The following FLT4 variants were observed in gnomAD, a reference collection of about 807,000 sequenced individuals.
FLT4 encodes the protein vascular endothelial growth factor receptor 3.
FLT4 carries 30 observed loss-of-function variants against 163.2 expected under a neutral mutation model. The observed-to-expected ratio is 0.18, with a 90% confidence interval of 0.14 to 0.25. The LOEUF (loss-of-function observed/expected upper bound fraction) is 0.25. Ranked by LOEUF, FLT4 falls within the 10% of genes least tolerant of loss-of-function variation. FLT4 has a pLI of 1.00. For missense variants in FLT4, 1,510 were observed against 1,863.8 expected, an observed-to-expected ratio of 0.81 and a Z score of 3.50; for synonymous variants, 884 against 789.5, an observed-to-expected ratio of 1.12 and a Z score of -2.01.
intron 1 of FLT4, among the ~76,000 whole-genome samples, chr5:180,646,063 T>C (rs1347221751): frequency 1.3e-5 from 2 of 152,028 alleles, no homozygotes; most frequent in Non-Finnish European, 2.9e-5. Context: ...ATTCGCTTAA[T>C]TTCCCTGGTT....
At chr5:180,610,195 C>T (rs1407551541) in intron 27 of FLT4, among the ~76,000 whole-genome samples, 170 bp from the exon 28 acceptor site, 1 of 152,222 alleles carries the variant, frequency 6.6e-6, no homozygotes, top group Non-Finnish European at 1.5e-5. Context: ...GTGTGCCTGG[C>T]CTCAGATGTC....
chr5:180,622,602 C>T (rs935177843), intron 12 of FLT4, 129 bp downstream of exon 12: 18 of 698,682 alleles, frequency 2.6e-5, no homozygotes, highest in Non-Finnish European at 4.7e-5. Flanking sequence ...ATCTATTTTT[C>T]CTGTCTACAA....
At chr5:180,647,521 C>G (rs1765544333) in intron 1 of FLT4, among the ~76,000 whole-genome samples, 1 of 152,088 alleles carries the variant, frequency 6.6e-6, no homozygotes, top group African/African-American at 2.4e-5. Context: ...CTTCAGGATG[C>G]TCAGGCTTCT....
Position 180,616,980 on chromosome 5 carries a change from G to C in FLT4, c.3016C>G (p.Leu1006Val), listed in dbSNP as rs1205297853. 6.2e-7 allele frequency: 1 copy of C among 1,612,986 alleles called. No individual in the cohort carries two copies. The highest frequency in any genetic ancestry group is 8.5e-7 in the Non-Finnish European group (1 of 1,179,882). ...AGATCTTCCATGGTCAGCGGGCTCA[G>C]CCACAGGTCCTCAGCTACACAGTGG... Reference protein sequence around the residue: ...SPDQEAEDLWLSPLTMEDLVC... With the variant: ...SPDQEAEDLWVSPLTMEDLVC... The change falls in exon 22 of 30, where the codon CTG (leucine) becomes GTG (valine). Residue 1006 changes from leucine (L) to valine (V), a missense_variant. Physicochemically the swap from Leu to Val is conservative, Grantham distance 32 (BLOSUM62 1). This residue lies in a region of FLT4 where 878 missense variants were observed against 1,016.7 expected (regional missense o/e 0.86). Transcript: ENST00000261937.
intron 29 of FLT4, among the ~76,000 whole-genome samples, chr5:180,604,438 G>A (rs1305461440): frequency 6.6e-6 from 1 of 152,132 alleles, no homozygotes; most frequent in Non-Finnish European, 1.5e-5. Context: ...GTCCTTGCCG[G>A]CTCTGTGACA....
intron 8 of FLT4, 124 bp downstream of exon 8, chr5:180,628,758 G>C (rs949758034): frequency 1.4e-6 from 1 of 712,134 alleles, no homozygotes. Flanking sequence ...AGAGGCCCCC[G>C]CCATGCCTGG....
Position 180,618,652 on chromosome 5 carries a change from G to A in FLT4, c.3001+118C>T, listed in dbSNP as rs1021991224. Reference sequence around the variant, plus strand: ...AGGTGTCTTCCCTTCCTAAGGCAGAGCCCATTCCACACTCTCCCATGAAAG... The same window carrying A: ...AGGTGTCTTCCCTTCCTAAGGCAGAACCCATTCCACACTCTCCCATGAAAG... On this transcript the variant is annotated intron_variant, in intron 21 of 29. Transcript: ENST00000261937. 3.6e-5 allele frequency: 40 copies of A among 1,104,778 alleles called. No individual in the cohort carries two copies. In the Middle Eastern group the frequency reaches 9.2e-4, roughly 25 times the overall value. The allele number at this position is 1,104,778 out of a possible 1,614,324, so 68.4% of individuals were successfully genotyped here.
chr5:180,612,950 C>G (rs1033708604), intron 25 of FLT4, 61 bp downstream of exon 25: 24 of 1,333,060 alleles, frequency 1.8e-5, no homozygotes, highest in Admixed American at 7.2e-5. Flanking sequence ...CTCATGGACA[C>G]AACCCCCACG....
intron 1 of FLT4, among the ~76,000 whole-genome samples, chr5:180,639,012 T>C (rs1294824366): frequency 2.9e-5 from 1 of 34,338 alleles, no homozygotes; most frequent in Admixed American, 4.4e-4. Context: ...GGAAGAAGTA[T>C]GGATGGATGG....
chr5:180,627,228 G>A (rs1469094499), intron 8 of FLT4, among the ~76,000 whole-genome samples: 3 of 152,206 alleles, frequency 2.0e-5, no homozygotes, highest in Non-Finnish European at 2.9e-5. Flanking sequence ...CCTGGGAGAG[G>A]CACAGCCCTC....
chr5:180,647,218 C>T (rs937048965), intron 1 of FLT4, among the ~76,000 whole-genome samples: 11 of 152,186 alleles, frequency 7.2e-5, no homozygotes, highest in Non-Finnish European at 1.2e-4. Flanking sequence ...GACTAAGCCC[C>T]AAGAGACATC....
At chr5:180,626,586 G>A (rs563745793) in intron 8 of FLT4, among the ~76,000 whole-genome samples, 19 of 152,292 alleles carry the variant, frequency 1.2e-4, no homozygotes, top group East Asian at 1.9e-4. Flanking sequence ...TGGGGCAGCC[G>A]CCTTCTCTCC....
intron 1 of FLT4, among the ~76,000 whole-genome samples, chr5:180,647,083 G>T (rs745841968): frequency 6.6e-6 from 1 of 152,202 alleles, no homozygotes; most frequent in Non-Finnish European, 1.5e-5. Flanking sequence ...CTGGGCCTTT[G>T]TGACCCAGGT....
In FLT4 at chr5:180,619,245, C is replaced by T. The variant is rs770240225; in HGVS notation, c.2761+8G>A. ...TCTCGCCGTCCCAGCGGGCCGCCCG[C>T]TCCGTACCCTGCGGCTTGGTGCACG... On this transcript the variant is annotated splice_region_variant and intron_variant, in intron 19 of 29. Transcript: ENST00000261937. 5 of 1,605,022 alleles carry T rather than the reference C, an allele frequency of 3.1e-6. No individual in the cohort carries two copies. The highest frequency in any genetic ancestry group is 4.3e-6 in the Non-Finnish European group (5 of 1,176,208).
Position 180,626,017 on chromosome 5 carries a change from G to A in FLT4, c.1273C>T (p.His425Tyr), listed in dbSNP as rs2127827405. 6.2e-7 allele frequency: 1 copy of A among 1,612,726 alleles called. No homozygotes were observed. Among genetic ancestry groups the A allele is most frequent in the Non-Finnish European group, 8.5e-7 (1 of 1,179,972 alleles). ...ELVVNVPPQI[H>Y]EKEASSPSIY... Reference sequence around the variant, plus strand: ...CTGGGGGAGGAGGCCTCCTTCTCATGTATCTGGGGGGGCACTGTGGGCACA... The same window carrying A: ...CTGGGGGAGGAGGCCTCCTTCTCATATATCTGGGGGGGCACTGTGGGCACA... The change falls in exon 10 of 30, where the codon CAT becomes TAT. Residue 425 changes from histidine to tyrosine, a missense_variant. Physicochemically the swap from His to Tyr is moderately conservative, Grantham distance 83 (BLOSUM62 2). Around this residue, in one of 5 missense-constraint regions of FLT4, gnomAD observed 878 missense variants for 1,016.7 expected, o/e 0.86. Transcript: ENST00000261937.
At position 180,618,938 on chromosome 5, in the gene FLT4, T is replaced by C; in HGVS notation, c.2851-18A>G. ...GACTTCTCCTGCGGATGCACGAAGC[T>C]GGCTCGAGGGCGCCCAGTCGTCCGC... is the stretch of plus-strand genomic sequence containing the variant. On this transcript the variant is annotated intron_variant, in intron 20 of 29. Transcript: ENST00000261937. 1 of 1,571,288 alleles carries C rather than the reference T, an allele frequency of 6.4e-7. No homozygotes were observed. Among genetic ancestry groups the C allele is most frequent in the Non-Finnish European group, 8.6e-7 (1 of 1,159,558 alleles).
intron 1 of FLT4, among the ~76,000 whole-genome samples, chr5:180,647,592 G>C (rs1183585279): frequency 6.6e-6 from 1 of 151,626 alleles, no homozygotes; most frequent in East Asian, 1.9e-4. Flanking sequence ...CGGACCAGCT[G>C]CCCTGACACC....
chr5:180,648,209 G>C lies in FLT4; in HGVS notation c.58+1279C>G, dbSNP rs554011470. Among the ~76,000 whole-genome samples, 4 of 152,198 alleles carry C rather than the reference G, an allele frequency of 2.6e-5. No individual in the cohort carries two copies. In the East Asian group the frequency reaches 5.8e-4, roughly 22 times the overall value. The stretch of plus-strand genomic sequence containing the variant: ...TGGGTCCAGGAGGGCCAAGGGCAGC[G>C]CCCTGATCTGGCCTGCCCGACTCGG... On this transcript the variant is annotated intron_variant, in intron 1 of 29. Coordinates refer to ENST00000261937, the MANE Select transcript of FLT4 (RefSeq NM_182925.5).
chr5:180,621,478 C>A (rs1327333773), intron 13 of FLT4, 64 bp downstream of exon 13: 1 of 1,588,094 alleles, frequency 6.3e-7, no homozygotes, highest in Non-Finnish European at 8.5e-7. Flanking sequence ...CACGCCGGGG[C>A]AAAGGCAGAG....
Sources: gnomAD v4.1 joint callset for allele counts (sites outside exome capture counted in the v4.1 genomes callset) on GRCh38, gnomAD v4.1.1 for gene constraint, gnomAD v4.1.1 regional missense constraint, MANE v1.5 for transcripts, NCBI Gene and HGNC (gene_info 2026-07-23, HGNC 2026-07-21) for gene names.